ADGRV1: variants seen among roughly 807,000 people sequenced by gnomAD.
ADGRV1 encodes the protein G-protein coupled receptor 98.
ADGRV1 carries 359 observed loss-of-function variants against 596.2 expected under a neutral mutation model. The observed-to-expected ratio is 0.60, with a 90% confidence interval of 0.55 to 0.66. ADGRV1 has a LOEUF of 0.66. Ranked by LOEUF, ADGRV1 falls within the 30% of genes least tolerant of loss-of-function variation. The probability of loss-of-function intolerance (pLI) is 0.00; values close to 1 mark genes in which losing one functional copy is unlikely to be tolerated. For synonymous variants in ADGRV1, 2,681 were observed against 2,679.2 expected (o/e 1.00, Z -0.02); for missense variants, 7,274 against 7,575.6 (o/e 0.96, Z 1.48).
chr5:90,728,995 G>T, intron 49 of ADGRV1, 62 bp downstream of exon 49: 4 of 1,133,344 alleles, frequency 3.5e-6, no homozygotes, highest in Non-Finnish European at 3.7e-6. Flanking sequence ...CATTCATATG[G>T]TATATTTTAT....
rs571928832 is a variant in ADGRV1 at position 90,724,429 on chromosome 5, A to G, written c.9749-403A>G. 3.3e-5 allele frequency among the ~76,000 whole-genome samples: 5 copies of G among 152,182 alleles called. No homozygotes were observed. In the East Asian group the frequency reaches 7.8e-4, roughly 24 times the overall value. Reference sequence around the variant, plus strand: ...ATTTTTAGTAGAGAACGGTTTCACCATGTTGGCCAGGCTGGTCTCAAACTC... The same window carrying G: ...ATTTTTAGTAGAGAACGGTTTCACCGTGTTGGCCAGGCTGGTCTCAAACTC... On this transcript the variant is annotated intron_variant, in intron 45 of 89. Transcript: ENST00000405460.
At chr5:91,107,876 A>T (rs1463376751) in intron 87 of ADGRV1, among the ~76,000 whole-genome samples, 1 of 152,214 alleles carries the variant, frequency 6.6e-6, no homozygotes, top group Non-Finnish European at 1.5e-5. Context: ...GGAGGTTTGT[A>T]AAGAAAGGAG....
intron 87 of ADGRV1, among the ~76,000 whole-genome samples, chr5:91,106,567 G>C (rs1443143688): frequency 1.3e-5 from 2 of 152,148 alleles, no homozygotes; most frequent in African/African-American, 4.8e-5. Context: ...GGCTAGTATG[G>C]TTCTTTTAAC....
At chr5:90,798,650 T>G (rs1486980697) in intron 70 of ADGRV1, among the ~76,000 whole-genome samples, 1 of 152,184 alleles carries the variant, frequency 6.6e-6, no homozygotes, top group Non-Finnish European at 1.5e-5. Flanking sequence ...CCAATATCTG[T>G]GATGAACATC....
At chr5:91,021,409 G>T (rs955516941) in intron 85 of ADGRV1, among the ~76,000 whole-genome samples, 1 of 152,042 alleles carries the variant, frequency 6.6e-6, no homozygotes, top group Admixed American at 6.6e-5. Context: ...GTTAAGTACA[G>T]AAAATCCAAT....
At chr5:90,982,727 T>C (rs1187270667) in intron 84 of ADGRV1, among the ~76,000 whole-genome samples, 1 of 123,046 alleles carries the variant, frequency 8.1e-6, no homozygotes. Context: ...AGGAATTCAG[T>C]GTAGATGATT....
At chr5:91,082,086 C>T (rs911485704) in intron 86 of ADGRV1, among the ~76,000 whole-genome samples, 4 of 152,164 alleles carry the variant, frequency 2.6e-5, no homozygotes, top group Non-Finnish European at 5.9e-5. Context: ...ACACTTAAAG[C>T]TAATATCTGA....
intron 83 of ADGRV1, among the ~76,000 whole-genome samples, chr5:90,872,452 TGTGTG>T (rs1768788613): frequency 2.1e-5 from 2 of 93,646 alleles, no homozygotes; most frequent in African/African-American, 6.8e-5. Context: ...TGTGTGTGTG[TGTGTG>T]TGTGTGTGTA....
At chr5:91,050,482 G>C (rs929363023) in intron 85 of ADGRV1, among the ~76,000 whole-genome samples, 7 of 152,084 alleles carry the variant, frequency 4.6e-5, no homozygotes, top group Non-Finnish European at 7.4e-5. Context: ...GTATTTATTT[G>C]TATGCATTTT....
intron 85 of ADGRV1, among the ~76,000 whole-genome samples, chr5:91,018,256 C>A (rs1016394859): frequency 1.3e-5 from 2 of 151,922 alleles, no homozygotes; most frequent in Non-Finnish European, 2.9e-5. Flanking sequence ...ATTCTCCCTG[C>A]CCTTAAATAT....
At chr5:90,957,854 A>G (rs919444588) in intron 83 of ADGRV1, among the ~76,000 whole-genome samples, 13 of 151,768 alleles carry the variant, frequency 8.6e-5, no homozygotes, top group Non-Finnish European at 1.8e-4. Flanking sequence ...GAAGTAGTAT[A>G]CTACCAACCA....
At chr5:90,784,711 G>A (rs753164703) in intron 67 of ADGRV1, among the ~76,000 whole-genome samples, 22 of 152,086 alleles carry the variant, frequency 1.4e-4, no homozygotes, top group African/African-American at 5.1e-4. Flanking sequence ...ATAGATGTTC[G>A]ATCACATGGA....
At chr5:90,576,563 G>C (rs541915145) in intron 1 of ADGRV1, among the ~76,000 whole-genome samples, 1 of 152,050 alleles carries the variant, frequency 6.6e-6, no homozygotes. Context: ...GAATAGTGCC[G>C]CAACAAAAAT....
intron 86 of ADGRV1, among the ~76,000 whole-genome samples, chr5:91,079,573 A>G (rs1212978232): frequency 1.3e-5 from 2 of 152,328 alleles, no homozygotes; most frequent in East Asian, 3.9e-4. Flanking sequence ...TTTGCACATC[A>G]TCATGAAAAG....
intron 85 of ADGRV1, among the ~76,000 whole-genome samples, chr5:90,999,551 TA>T (rs1368474336): frequency 1.3e-5 from 2 of 152,058 alleles, no homozygotes; most frequent in Non-Finnish European, 2.9e-5. Flanking sequence ...TAGGTAATTG[TA>T]AAATTGCGGG....
intron 86 of ADGRV1, among the ~76,000 whole-genome samples, chr5:91,078,470 GT>G (rs1406692233): frequency 3.9e-5 from 6 of 152,320 alleles, no homozygotes; most frequent in Non-Finnish European, 5.9e-5. Flanking sequence ...ATGGAGACTA[GT>G]TCTCATCCTT....
intron 5 of ADGRV1, 54 bp downstream of exon 5, chr5:90,622,755 AT>A: frequency 1.1e-6 from 1 of 894,820 alleles, no homozygotes; most frequent in Non-Finnish European, 1.6e-6. Context: ...TTATTTATTT[AT>A]TTTTGAGACA....
chr5:90,891,312 A>G (rs1389695191), intron 83 of ADGRV1, among the ~76,000 whole-genome samples: 1 of 151,164 alleles, frequency 6.6e-6, no homozygotes, highest in African/African-American at 2.4e-5. Context: ...TAATGATGTT[A>G]TAGGGGTGTT....
chr5:91,001,620 C>A (rs924556474), intron 85 of ADGRV1, among the ~76,000 whole-genome samples: 65 of 152,000 alleles, frequency 4.3e-4, no homozygotes, highest in African/African-American at 1.5e-3. Context: ...CCTATTAAAG[C>A]TATTACTTTG....
Sources: gnomAD v4.1 joint callset for allele counts (sites outside exome capture counted in the v4.1 genomes callset) on GRCh38, gnomAD v4.1.1 for gene constraint, MANE v1.5 for transcripts, NCBI Gene and HGNC (gene_info 2026-07-23, HGNC 2026-07-21) for gene names.